ZNF521: variants seen among roughly 807,000 people sequenced by gnomAD.
ZNF521 encodes LYST-interacting protein 3.
A neutral mutation model predicts 105.5 loss-of-function variants in ZNF521; 14 were observed. That is an observed-to-expected ratio of 0.13 (90% CI 0.09 to 0.21). ZNF521 has a LOEUF of 0.21. Ranked by LOEUF, ZNF521 falls within the 10% of genes least tolerant of loss-of-function variation. ZNF521 has a pLI of 1.00. For missense variants in ZNF521, 1,233 were observed against 1,629.7 expected (o/e 0.76, Z 4.19); for synonymous variants, 635 against 606.0 (o/e 1.05, Z -0.70).
chr18:25,090,578 CGTCT>C (rs1465729693), intron 6 of ZNF521, among the ~76,000 whole-genome samples: 1 of 152,154 alleles, frequency 6.6e-6, no homozygotes, highest in Non-Finnish European at 1.5e-5. Flanking sequence ...AAACAATTCA[CGTCT>C]GTCTGCACAG....
At chr18:25,299,348 C>A (rs1911499572) in intron 3 of ZNF521, among the ~76,000 whole-genome samples, 1 of 152,114 alleles carries the variant, frequency 6.6e-6, no homozygotes, top group African/African-American at 2.4e-5. Flanking sequence ...TAAATGCGAA[C>A]AAGACAACTA....
chr18:25,169,598 G>A (rs191122853), intron 5 of ZNF521, among the ~76,000 whole-genome samples: 47 of 152,078 alleles, frequency 3.1e-4, no homozygotes, highest in Admixed American at 7.9e-4. Flanking sequence ...TTATAAATAC[G>A]AAAAACCAGA....
chr18:25,106,547 C>A (rs545830117), intron 5 of ZNF521, among the ~76,000 whole-genome samples: 7 of 152,182 alleles, frequency 4.6e-5, no homozygotes, highest in South Asian at 2.1e-4. Context: ...ACCAAAAGGT[C>A]CCCTGGTGCG....
intron 3 of ZNF521, among the ~76,000 whole-genome samples, chr18:25,320,506 A>G (rs1202297057): frequency 6.6e-6 from 1 of 152,174 alleles, no homozygotes; most frequent in Non-Finnish European, 1.5e-5. Flanking sequence ...TAAGTATACT[A>G]TAGATATGTA....
chr18:25,069,594 T>C (rs887674267), intron 7 of ZNF521, among the ~76,000 whole-genome samples: 40 of 152,178 alleles, frequency 2.6e-4, no homozygotes, highest in African/African-American at 9.7e-4. Flanking sequence ...GGTAATTGTG[T>C]TTTTATGGAC....
chr18:25,167,421 T>C (rs1399370596), intron 5 of ZNF521, among the ~76,000 whole-genome samples: 3 of 152,290 alleles, frequency 2.0e-5, no homozygotes, highest in Non-Finnish European at 4.4e-5. Flanking sequence ...ACAGAAGTGT[T>C]TTAGGAATAA....
Position 25,227,820 on chromosome 18 carries a change from G to T in ZNF521, c.221-123C>A. On this transcript the variant is annotated intron_variant, in intron 3 of 7. Coordinates refer to ENST00000361524, the MANE Select transcript of ZNF521 (RefSeq NM_015461.3). The surrounding 1 kb of genome is among the most constrained non-coding windows in gnomAD (Gnocchi z 5.7). ...TGAATCTTTCAAGAAAAAACAAAATGAAAAGAGAGAATATTTGAGTGAGAC... is the reference window on the plus strand; with the variant it reads ...TGAATCTTTCAAGAAAAAACAAAATTAAAAGAGAGAATATTTGAGTGAGAC... 2.6e-6 allele frequency: 2 copies of T among 767,184 alleles called. No individual in the cohort carries two copies. The highest frequency in any genetic ancestry group is 4.1e-6 in the Non-Finnish European group (2 of 490,762). 47.5% of individuals were successfully genotyped at this position (767,184 alleles called of 1,614,324 possible).
chr18:25,062,146 T>C lies in ZNF521; in HGVS notation c.*566A>G, dbSNP rs2144084705. The C allele has an allele frequency of 4.9e-6, 1 of 203,632 alleles. No individual in the cohort carries two copies. The highest frequency in any genetic ancestry group is 1.0e-5 in the Non-Finnish European group (1 of 99,348). The allele number at this position is 203,632 out of a possible 1,614,324, so 12.6% of individuals were successfully genotyped here. A position where few individuals can be genotyped will look rare whatever the true frequency, so the allele number is the denominator to read the frequency against. On this transcript the variant is annotated 3_prime_UTR_variant, in exon 8 of 8. Coordinates refer to ENST00000361524, the MANE Select transcript of ZNF521 (RefSeq NM_015461.3). ...CAGTCTACATAACAACTATTGCATA[T>C]ATAGTGATGCTACCTGTCACATTGC...
intron 5 of ZNF521, among the ~76,000 whole-genome samples, chr18:25,178,598 T>A (rs2035574042): frequency 6.6e-6 from 1 of 152,232 alleles, no homozygotes; most frequent in Non-Finnish European, 1.5e-5. Context: ...CAAAGAATTC[T>A]GATGCAGAAG....
chr18:25,090,697 A>G (rs1417644056), intron 6 of ZNF521, among the ~76,000 whole-genome samples: 3 of 152,198 alleles, frequency 2.0e-5, no homozygotes, highest in African/African-American at 4.8e-5. Flanking sequence ...CATATAACTC[A>G]GTACATTTTA....
intron 7 of ZNF521, among the ~76,000 whole-genome samples, chr18:25,085,725 C>T (rs1191952800): frequency 2.7e-5 from 4 of 150,322 alleles, no homozygotes; most frequent in African/African-American, 4.9e-5. Context: ...AACATTCCCT[C>T]ATATATATAT....
intron 5 of ZNF521, among the ~76,000 whole-genome samples, chr18:25,116,106 G>C (rs567206339): frequency 3.9e-5 from 6 of 152,246 alleles, no homozygotes; most frequent in African/African-American, 1.4e-4. Context: ...TGTTGTGATG[G>C]TATTCTCCTG....
intron 3 of ZNF521, among the ~76,000 whole-genome samples, chr18:25,304,428 C>T (rs574302177): frequency 3.0e-4 from 46 of 152,292 alleles, no homozygotes; most frequent in Admixed American, 2.6e-3. Flanking sequence ...TTATTATTTC[C>T]AGGTTAGTAA....
chr18:25,348,424 C>G (rs1914556669), intron 2 of ZNF521, among the ~76,000 whole-genome samples: 1 of 152,062 alleles, frequency 6.6e-6, no homozygotes, highest in Non-Finnish European at 1.5e-5. Context: ...CAAAATGATT[C>G]GTTTGGTATA....
intron 5 of ZNF521, among the ~76,000 whole-genome samples, chr18:25,143,135 T>C (rs1481090347): frequency 2.0e-5 from 3 of 152,116 alleles, no homozygotes; most frequent in Non-Finnish European, 4.4e-5. Context: ...AGCATGTACT[T>C]TTTATCATAT....
intron 5 of ZNF521, among the ~76,000 whole-genome samples, chr18:25,161,582 G>T (rs1384980109): frequency 6.6e-6 from 1 of 152,138 alleles, no homozygotes; most frequent in African/African-American, 2.4e-5. Flanking sequence ...AGATATAAAT[G>T]ACTAGATTTA....
At chr18:25,324,048 T>C (rs1913075340) in intron 2 of ZNF521, among the ~76,000 whole-genome samples, 1 of 152,180 alleles carries the variant, frequency 6.6e-6, no homozygotes, top group Non-Finnish European at 1.5e-5. Flanking sequence ...GGAAAATTAT[T>C]ATCTCAACAT....
chr18:25,319,637 G>A (rs962236069), intron 3 of ZNF521, among the ~76,000 whole-genome samples: 1 of 151,576 alleles, frequency 6.6e-6, no homozygotes, highest in Non-Finnish European at 1.5e-5. Flanking sequence ...AACATTTTAT[G>A]AATATGTAGA....
At position 25,227,425 on chromosome 18, in the gene ZNF521, T is replaced by C. The variant is rs540679616; in HGVS notation, c.493A>G (p.Ile165Val). 7 of 1,614,164 alleles carry C rather than the reference T, an allele frequency of 4.3e-6. No homozygotes were observed. In the South Asian group the frequency reaches 7.7e-5, roughly 18 times the overall value. Residue 165 changes from isoleucine to valine, a missense_variant, in exon 4 of 8, where the codon ATA becomes GTA. Transcript: ENST00000361524. This position sits in a 1 kb window ranked among gnomAD's most constrained non-coding sequence, Gnocchi z 5.7. ...FKHKRSRDRH[I>V]KLHTGDKKYH... is the part of the protein sequence containing the mutation. ...TTCTTGTCCCCGGTGTGGAGTTTTATGTGGCGATCTCGGCTGCGCTTGTGT... is the reference window on the plus strand; with the variant it reads ...TTCTTGTCCCCGGTGTGGAGTTTTACGTGGCGATCTCGGCTGCGCTTGTGT...
Sources: gnomAD v4.1 joint callset for allele counts (sites outside exome capture counted in the v4.1 genomes callset) on GRCh38, gnomAD v4.1.1 for gene constraint, Gnocchi (gnomAD v3.1) non-coding constraint, MANE v1.5 for transcripts, NCBI Gene and HGNC (gene_info 2026-07-23, HGNC 2026-07-21) for gene names.